SDK2: variants seen among roughly 807,000 people sequenced by gnomAD.
The protein encoded by SDK2 is protein sidekick-2.
A neutral mutation model predicts 253.9 loss-of-function variants in SDK2; 105 were observed. That is an observed-to-expected ratio of 0.41 (90% confidence interval 0.35 to 0.49). The LOEUF is 0.49. Ranked by LOEUF, SDK2 falls within the 20% of genes least tolerant of loss-of-function variation. SDK2 has a pLI of 0.06. For missense variants in SDK2, 2,608 were observed against 3,003.0 expected, an observed-to-expected ratio of 0.87 and a Z score of 3.07; for synonymous variants, 1,249 against 1,234.9, an observed-to-expected ratio of 1.01 and a Z score of -0.24.
chr17:73,599,587 GGAGA>G (rs2045809779), intron 1 of SDK2, among the ~76,000 whole-genome samples: 1 of 151,724 alleles, frequency 6.6e-6, no homozygotes, highest in Non-Finnish European at 1.5e-5. Flanking sequence ...GAAAAGAGGA[GGAGA>G]GAGGGAGCAA....
intron 10 of SDK2, among the ~76,000 whole-genome samples, chr17:73,432,906 T>TGCACACACA (rs2063339090): frequency 6.6e-6 from 1 of 151,304 alleles, no homozygotes; most frequent in African/African-American, 2.4e-5. Context: ...GTTGTGAAGG[T>TGCACACACA]GAGTGTGCAC....
chr17:73,622,388 C>G (rs956329009), intron 1 of SDK2, among the ~76,000 whole-genome samples: 9 of 152,242 alleles, frequency 5.9e-5, no homozygotes, highest in Admixed American at 3.3e-4. Flanking sequence ...TCTCTCCTCC[C>G]TCTGTGAGTC....
At chr17:73,343,348 G>A (rs2062455839) in intron 44 of SDK2, among the ~76,000 whole-genome samples, 1 of 152,256 alleles carries the variant, frequency 6.6e-6, no homozygotes, top group Non-Finnish European at 1.5e-5. Flanking sequence ...AAGGCAGGAG[G>A]GCTTTGCATC....
chr17:73,342,859 G>A (rs1014362045), intron 44 of SDK2, among the ~76,000 whole-genome samples: 2 of 149,078 alleles, frequency 1.3e-5, no homozygotes, highest in Non-Finnish European at 3.0e-5. Flanking sequence ...TAACCCAGGA[G>A]AGAATGCTGT....
At chr17:73,449,535 C>G (rs1204770771) in intron 4 of SDK2, among the ~76,000 whole-genome samples, 1 of 151,426 alleles carries the variant, frequency 6.6e-6, no homozygotes, top group African/African-American at 2.4e-5. Context: ...TGGCACAGCT[C>G]TGGGAAGCAG....
intron 5 of SDK2, 102 bp from the exon 6 acceptor site, chr17:73,441,025 G>GT: frequency 1.2e-6 from 1 of 844,092 alleles, no homozygotes; most frequent in Non-Finnish European, 1.8e-6. Flanking sequence ...TCCTTACCGA[G>GT]TGGAGCAGGT....
chr17:73,580,045 G>A (rs181259849), intron 1 of SDK2, among the ~76,000 whole-genome samples: 12 of 151,918 alleles, frequency 7.9e-5, no homozygotes, highest in East Asian at 7.8e-4. Flanking sequence ...AAGATGATGT[G>A]AAGATGGCCA....
At chr17:73,608,781 CT>C (rs1180762753) in intron 1 of SDK2, among the ~76,000 whole-genome samples, 1 of 152,098 alleles carries the variant, frequency 6.6e-6, no homozygotes, top group Non-Finnish European at 1.5e-5. Context: ...CAGGAAGCAG[CT>C]GCACTAACAG....
chr17:73,588,387 C>CAAAAAAAA (rs1215654213), intron 1 of SDK2, among the ~76,000 whole-genome samples: 37 of 58,926 alleles, frequency 6.3e-4, no homozygotes, highest in African/African-American at 9.6e-4. Context: ...AACTCCATCT[C>CAAAAAAAA]AAAAAAAAAA....
rs117318253 is a variant in SDK2 at position 73,371,084 on chromosome 17, G to A, written c.4981-2491C>T. Among the ~76,000 whole-genome samples, 133 of 152,184 alleles carry A rather than the reference G, an allele frequency of 8.7e-4. 1 individual carries two copies. In the East Asian group the frequency reaches 0.024, roughly 28 times the overall value. On this transcript the variant is annotated intron_variant, in intron 36 of 44. Transcript: ENST00000392650. ...ATCTCTAAAATAACATAAAAATAAC[G>A]AAAAGCAGATTCTTCTCATATGGAT...
chr17:73,582,685 C>T (rs1301291704), intron 1 of SDK2, among the ~76,000 whole-genome samples: 4 of 152,130 alleles, frequency 2.6e-5, no homozygotes, highest in Non-Finnish European at 5.9e-5. Context: ...CCTTCATCTG[C>T]TCTTCTTAGC....
rs533614588 is a variant in SDK2 at position 73,435,299 on chromosome 17, C to T, written c.1195+151G>A. The T allele has an allele frequency of 1.4e-6, 1 of 711,606 alleles. No homozygotes were observed. 44.1% of individuals were successfully genotyped at this position (711,606 alleles called of 1,614,324 possible). On this transcript the variant is annotated intron_variant, in intron 9 of 44. Transcript: ENST00000392650. The surrounding 1 kb of genome is among the most constrained non-coding windows in gnomAD (Gnocchi z 5.7). ...GAGGCAGCAGCGGTAACTGGCTGTG[C>T]CCCCAGGCTGCTGGGCAGCAGGCGG... is the stretch of plus-strand genomic sequence containing the variant.
chr17:73,396,556 G>A (rs2062972369), intron 24 of SDK2, among the ~76,000 whole-genome samples: 1 of 152,170 alleles, frequency 6.6e-6, no homozygotes. Flanking sequence ...GCCGACCAAA[G>A]ACCATTAAGA....
chr17:73,589,219 C>G (rs576092851), intron 1 of SDK2, among the ~76,000 whole-genome samples: 123 of 152,400 alleles, frequency 8.1e-4, no homozygotes, highest in Non-Finnish European at 1.4e-3. Flanking sequence ...GAAATTCACG[C>G]TCCAGCTCAC....
In SDK2 at chr17:73,387,991, C is replaced by T; in HGVS notation, c.4239G>A (p.Val1413=). 6.4e-7 allele frequency: 1 copy of T among 1,570,388 alleles called. No individual in the cohort carries two copies. The highest frequency in any genetic ancestry group is 8.6e-7 in the Non-Finnish European group (1 of 1,158,546). The change falls in exon 30 of 45, where the codon GTG becomes GTA. Residue 1413 remains valine, a synonymous_variant. Transcript: ENST00000392650. The stretch of plus-strand genomic sequence containing the variant: ...AGGACAGCAGCACGCTGCGTGCTCT[C>T]ACATCCTCCTGCTGCACCATCGGCC... The part of the protein sequence containing the change: ...PSRPMVQQED[V]RARSVLLSWE...
At chr17:73,391,314 T>C in intron 28 of SDK2, 126 bp downstream of exon 28, 2 of 434,078 alleles carry the variant, frequency 4.6e-6, no homozygotes. Context: ...CCAGATCCCA[T>C]TCTAGAGGGG....
chr17:73,425,633 G>C (rs566708568), intron 12 of SDK2, among the ~76,000 whole-genome samples: 1 of 151,784 alleles, frequency 6.6e-6, no homozygotes, highest in African/African-American at 2.4e-5. Flanking sequence ...TCAGCCTCCC[G>C]AGTTGCTAGG....
In SDK2 at chr17:73,522,615, G is replaced by A. The variant is rs183498038; in HGVS notation, c.65-15018C>T. Among the ~76,000 whole-genome samples the A allele has an allele frequency of 2.7e-4, 41 of 152,306 alleles. No individual in the cohort carries two copies. In the South Asian group the frequency reaches 7.1e-3, roughly 26 times the overall value. On this transcript the variant is annotated intron_variant, in intron 1 of 44. Transcript: ENST00000392650. ...GTGATGGTATGTGGACTCTGCTACC[G>A]CCTCCTGATGGTTATCCATCCAGGG...
In SDK2 at chr17:73,337,799, A is replaced by T. The variant is rs1237969850; in HGVS notation, c.*788T>A. 2 of 152,316 alleles carry T rather than the reference A, an allele frequency of 1.3e-5. No homozygotes were observed. Among genetic ancestry groups the T allele is most frequent in the African/African-American group, 4.8e-5 (2 of 41,452 alleles). 9.4% of individuals were successfully genotyped at this position (152,316 alleles called of 1,614,324 possible). On this transcript the variant is annotated 3_prime_UTR_variant, in exon 45 of 45. Coordinates refer to ENST00000392650, the MANE Select transcript of SDK2 (RefSeq NM_001144952.2). ...GTCCATGCTCAGGAAAGTCAATTCCAGCACAGGGAGGCAGGGGTCAGTTGT... is the reference window on the plus strand; with the variant it reads ...GTCCATGCTCAGGAAAGTCAATTCCTGCACAGGGAGGCAGGGGTCAGTTGT...
Sources: allele counts gnomAD v4.1 joint callset (sites outside exome capture counted in the v4.1 genomes callset), GRCh38; gene constraint gnomAD v4.1.1; non-coding constraint Gnocchi (gnomAD v3.1); transcripts MANE v1.5; gene names NCBI Gene and HGNC (gene_info 2026-07-23, HGNC 2026-07-21).